ZFP64: variants seen among roughly 807,000 people sequenced by gnomAD.
The protein encoded by ZFP64 is ZFP64 zinc finger protein, also known as zinc finger protein 64.
In ZFP64, 14 loss-of-function variants were observed where a neutral mutation model predicts 51.6. The observed-to-expected ratio is 0.27, with a 90% CI of 0.18 to 0.42. The LOEUF is 0.42. Ranked by LOEUF, ZFP64 falls within the 10% of genes least tolerant of loss-of-function variation. ZFP64 has a pLI of 1.00. For missense variants in ZFP64, 754 were observed against 906.8 expected (o/e 0.83, Z 2.16); for synonymous variants, 375 against 361.4 (o/e 1.04, Z -0.43).
In ZFP64 at chr20:52,143,924, G is replaced by T. The variant is rs545404392; in HGVS notation, c.763+16199C>A. Among the ~76,000 whole-genome samples the T allele has an allele frequency of 9.8e-5, 14 of 143,146 alleles. 1 individual carries two copies. Among genetic ancestry groups the T allele is most frequent in the Non-Finnish European group, 2.2e-4 (14 of 64,328 alleles). 93.9% of individuals were successfully genotyped at this position (143,146 alleles called of 152,430 possible). A position where few individuals can be genotyped will look rare whatever the true frequency, so the allele number is the denominator to read the frequency against. ...ATCCACAGGACTGCAAACAGATTTC[G>T]TTTGATGGAACACAGCTAATTACTA... On this transcript the variant is annotated intron_variant, in intron 5 of 8. Transcript: ENST00000361387.
At chr20:52,155,999 CA>C (rs1459473063) in intron 5 of ZFP64, among the ~76,000 whole-genome samples, 1 of 152,184 alleles carries the variant, frequency 6.6e-6, no homozygotes. Flanking sequence ...AAATGGCACA[CA>C]CTGAAATTTT....
Position 52,191,170 on chromosome 20 carries a change from A to G in ZFP64, c.46+421T>C, listed in dbSNP as rs1271882270. 6.6e-6 allele frequency among the ~76,000 whole-genome samples: 1 copy of G among 152,074 alleles called. No individual in the cohort carries two copies. Among genetic ancestry groups the G allele is most frequent in the Non-Finnish European group, 1.5e-5 (1 of 68,014 alleles). On this transcript the variant is annotated intron_variant, in intron 1 of 5. Coordinates refer to ENST00000216923, the MANE Select transcript of ZFP64 (RefSeq NM_018197.3). The surrounding 1 kb of genome is among the most constrained non-coding windows in gnomAD (Gnocchi z 4.3). ...CCTCGTGAGACCTGGTGATTCCCCC[A>G]ATCTCCAGGCTCTAATTTTGAGCCA...
exon 9 of ZFP64, chr20:52,084,486 C>T: frequency 3.5e-6 from 5 of 1,449,162 alleles, no homozygotes; most frequent in South Asian, 1.4e-5. Flanking sequence ...CTCTCAGTGG[C>T]CTCACCTCTG....
chr20:52,188,896 A>C (rs1984168814), intron 1 of ZFP64, among the ~76,000 whole-genome samples: 1 of 151,874 alleles, frequency 6.6e-6, no homozygotes, highest in African/African-American at 2.4e-5. Context: ...GAATTGCTTG[A>C]ACCCGGAAGG....
At chr20:52,097,647 G>A (rs2079004469) in intron 6 of ZFP64, among the ~76,000 whole-genome samples, 1 of 151,986 alleles carries the variant, frequency 6.6e-6, no homozygotes. Context: ...TAGAGATGGG[G>A]TTTCACCATG....
chr20:52,099,046 G>A (rs2079023458), intron 5 of ZFP64, among the ~76,000 whole-genome samples: 1 of 149,012 alleles, frequency 6.7e-6, no homozygotes, highest in East Asian at 2.0e-4. Flanking sequence ...GCTCTGTCTT[G>A]CAAAAGTCCT....
Position 52,191,712 on chromosome 20 carries a change from T to G in ZFP64, c.-76A>C. On this transcript the variant is annotated 5_prime_UTR_variant, in exon 1 of 6. Coordinates refer to ENST00000216923, the MANE Select transcript of ZFP64 (RefSeq NM_018197.3). The surrounding 1 kb of genome is among the most constrained non-coding windows in gnomAD (Gnocchi z 4.3). ...GCTGATCTACATGGTGCAAGGACTT[T>G]TCCTTTTATTTTTCCACACCCCCCA... The G allele has an allele frequency of 6.8e-7, 1 of 1,462,912 alleles. No homozygotes were observed. Among genetic ancestry groups the G allele is most frequent in the South Asian group, 1.3e-5 (1 of 75,806 alleles). The allele number at this position is 1,462,912 out of a possible 1,614,324, so 90.6% of individuals were successfully genotyped here.
Position 52,187,100 on chromosome 20 carries a change from T to C in ZFP64, c.47-29A>G, listed in dbSNP as rs758671436. On this transcript the variant is annotated intron_variant, in intron 1 of 5. Transcript: ENST00000216923. ...CATGGGACAAAGGGAAAGTAACGGA[T>C]TAATTCCAAACAGCTTTGAATTGTA... is the stretch of plus-strand genomic sequence containing the variant. 3.2e-6 allele frequency: 5 copies of C among 1,586,270 alleles called. No individual in the cohort carries two copies. In the Admixed American group the frequency reaches 8.4e-5, roughly 27 times the overall value.
chr20:52,129,673 T>C (rs1269824319), intron 5 of ZFP64, among the ~76,000 whole-genome samples: 1 of 152,180 alleles, frequency 6.6e-6, no homozygotes, highest in Non-Finnish European at 1.5e-5. Flanking sequence ...TTCAGCCTCT[T>C]GGACCTAAAT....
At chr20:52,177,939 G>A (rs1983351766) in intron 2 of ZFP64, among the ~76,000 whole-genome samples, 2 of 151,590 alleles carry the variant, frequency 1.3e-5, no homozygotes, top group South Asian at 4.2e-4. Context: ...GGCTGAGGCA[G>A]GAGAATCACT....
intron 2 of ZFP64, among the ~76,000 whole-genome samples, chr20:52,174,482 CAAAAAAA>C (rs386393988): frequency 8.6e-4 from 48 of 55,988 alleles, no homozygotes; most frequent in Non-Finnish European, 2.7e-4. Flanking sequence ...GGCTCCATCT[CAAAAAAA>C]AAAAAAAAAA....
In ZFP64 at chr20:52,191,656, C is replaced by T; in HGVS notation, c.-20G>A. 2.5e-6 allele frequency: 4 copies of T among 1,577,390 alleles called. No homozygotes were observed. Among genetic ancestry groups the T allele is most frequent in the East Asian group, 2.4e-5 (1 of 42,106 alleles). On this transcript the variant is annotated 5_prime_UTR_variant, in exon 1 of 6. Transcript: ENST00000216923. The surrounding 1 kb of genome is among the most constrained non-coding windows in gnomAD (Gnocchi z 4.3). The stretch of plus-strand genomic sequence containing the variant: ...GTTCATGGCCGCAGACTGGGAGGTC[C>T]CCGGCCGGCCGGGATGCCAAAGTGG...
chr20:52,115,539 C>A (rs373717024), intron 5 of ZFP64, among the ~76,000 whole-genome samples: 1 of 151,570 alleles, frequency 6.6e-6, no homozygotes, highest in African/African-American at 2.4e-5. Flanking sequence ...TTCAGCCTCC[C>A]GAGTAGCTGG....
Position 52,104,051 on chromosome 20 carries a change from G to A in ZFP64, c.764-5464C>T, listed in dbSNP as rs1345281363. Among the ~76,000 whole-genome samples, 16 of 152,356 alleles carry A rather than the reference G, an allele frequency of 1.1e-4. No individual in the cohort carries two copies. The East Asian group carries it at 2.9e-3, about 28-fold the overall frequency. ...CTTTCCGCGCCCGGAAAGAGCGGGG[G>A]AGAAGAGGAAGTCCAGTTACAACTC... On this transcript the variant is annotated intron_variant, in intron 5 of 8. Transcript: ENST00000361387.
At chr20:52,169,400 C>T (rs1346217713) in intron 2 of ZFP64, among the ~76,000 whole-genome samples, 2 of 152,200 alleles carry the variant, frequency 1.3e-5, no homozygotes, top group Admixed American at 6.5e-5. Flanking sequence ...GCCTCCCAAC[C>T]TTCTGCTCTA....
At chr20:52,173,456 T>C (rs1157210684) in intron 2 of ZFP64, among the ~76,000 whole-genome samples, 1 of 152,058 alleles carries the variant, frequency 6.6e-6, no homozygotes, top group East Asian at 1.9e-4. Context: ...GGTGTGATGC[T>C]GTGTGCCTGT....
chr20:52,086,547 A>G (rs900205166), intron 8 of ZFP64, among the ~76,000 whole-genome samples: 3 of 149,634 alleles, frequency 2.0e-5, no homozygotes, highest in African/African-American at 7.4e-5. Flanking sequence ...ACGCAATCTC[A>G]GCTCACTGCA....
At chr20:52,105,238 G>T in intron 5 of ZFP64, 1 of 1,339,176 alleles carries the variant, frequency 7.5e-7, no homozygotes, top group South Asian at 2.1e-5. Context: ...GCCGCGACAT[G>T]GCGCGAGGAC....
chr20:52,097,453 A>ATTTTTT, intron 6 of ZFP64: 1 of 1,442,698 alleles, frequency 6.9e-7, no homozygotes, highest in Admixed American at 2.1e-5. Flanking sequence ...AGAAAAATAG[A>ATTTTTT]TTTTTTTTTT....
Sources: allele counts gnomAD v4.1 joint callset (sites outside exome capture counted in the v4.1 genomes callset), GRCh38; gene constraint gnomAD v4.1.1; non-coding constraint Gnocchi (gnomAD v3.1); transcripts MANE v1.5; gene names NCBI Gene and HGNC (gene_info 2026-07-23, HGNC 2026-07-21).